Variants in NR6A1 observed in about 807,000 individuals in gnomAD.
NR6A1 encodes retinoic acid receptor-related testis-associated receptor.
In NR6A1, 7 loss-of-function variants were observed where a neutral mutation model predicts 59.1. The ratio of observed to expected loss-of-function variants is 0.12; its 90% confidence interval spans 0.07 to 0.22. The LOEUF is 0.22. Ranked by LOEUF, NR6A1 falls within the 10% of genes least tolerant of loss-of-function variation. NR6A1 has a pLI of 1.00. For synonymous variants in NR6A1, 243 were observed against 236.1 expected (o/e 1.03, Z -0.27); for missense variants, 468 against 611.6 (o/e 0.77, Z 2.48).
chr9:124,627,577 T>C (rs1836281926), intron 2 of NR6A1, among the ~76,000 whole-genome samples: 1 of 152,190 alleles, frequency 6.6e-6, no homozygotes, highest in South Asian at 2.1e-4. Flanking sequence ...GAATTTCTTT[T>C]TTAAAAATTT....
At chr9:124,728,752 G>A (rs1341071698) in intron 2 of NR6A1, among the ~76,000 whole-genome samples, 2 of 145,160 alleles carry the variant, frequency 1.4e-5, no homozygotes, top group African/African-American at 5.6e-5. Flanking sequence ...TAGTTCACAG[G>A]GTTTGGAAGA....
intron 2 of NR6A1, among the ~76,000 whole-genome samples, chr9:124,597,848 T>A (rs941920816): frequency 6.6e-6 from 1 of 152,122 alleles, no homozygotes; most frequent in East Asian, 1.9e-4. Context: ...AAATCTTATT[T>A]ATTTTTTTAT....
At position 124,716,064 on chromosome 9, in the gene NR6A1, A is replaced by G. The variant is rs193031175; in HGVS notation, c.142+17244T>C. Among the ~76,000 whole-genome samples the G allele has an allele frequency of 1.6e-3, 245 of 152,118 alleles. 1 individual carries two copies. Among genetic ancestry groups the G allele is most frequent in the Non-Finnish European group, 4.6e-4 (31 of 67,974 alleles). The stretch of plus-strand genomic sequence containing the variant: ...CCAAAAATTTAAAAATTAGCCTGGC[A>G]TGGTGGTTGTGCACCTGTGGTCCCA... On this transcript the variant is annotated intron_variant, in intron 2 of 9. Coordinates refer to ENST00000487099, the MANE Select transcript of NR6A1 (RefSeq NM_033334.4).
At chr9:124,616,204 C>T (rs970069229) in intron 2 of NR6A1, among the ~76,000 whole-genome samples, 2 of 151,794 alleles carry the variant, frequency 1.3e-5, no homozygotes, top group Non-Finnish European at 1.5e-5. Context: ...TCAAGACCAG[C>T]CTCGCCAACC....
At chr9:124,567,027 G>C (rs1834270491) in intron 2 of NR6A1, among the ~76,000 whole-genome samples, 1 of 151,024 alleles carries the variant, frequency 6.6e-6, no homozygotes, top group Admixed American at 6.6e-5. Context: ...AGAATGGCGT[G>C]AACCCGGGAG....
chr9:124,560,079 G>C (rs1286918116), intron 2 of NR6A1, among the ~76,000 whole-genome samples: 1 of 152,180 alleles, frequency 6.6e-6, no homozygotes, highest in Non-Finnish European at 1.5e-5. Flanking sequence ...CCAATCAGGA[G>C]TGGAGCTGGA....
chr9:124,731,382 A>G (rs1187450171), intron 2 of NR6A1, among the ~76,000 whole-genome samples: 2 of 151,970 alleles, frequency 1.3e-5, no homozygotes, highest in Non-Finnish European at 2.9e-5. Context: ...AAAAAAAAAA[A>G]AAAGAAAGGA....
intron 2 of NR6A1, among the ~76,000 whole-genome samples, chr9:124,621,949 C>A (rs1015355358): frequency 3.0e-4 from 45 of 152,142 alleles, no homozygotes. Context: ...CATGGTGGCT[C>A]GTGCCTATAA....
intron 2 of NR6A1, chr9:124,595,804 C>A (rs1187292215): frequency 7.8e-7 from 1 of 1,289,756 alleles, no homozygotes; most frequent in East Asian, 5.5e-5. Flanking sequence ...TCTATTGCAG[C>A]CATGAAGAAA....
At chr9:124,728,114 C>A (rs1381531448) in intron 2 of NR6A1, among the ~76,000 whole-genome samples, 1 of 151,926 alleles carries the variant, frequency 6.6e-6, no homozygotes, top group Non-Finnish European at 1.5e-5. Context: ...GCAAGCTCTG[C>A]CTCCCGGGTT....
intron 2 of NR6A1, among the ~76,000 whole-genome samples, chr9:124,725,224 A>G (rs952651161): frequency 1.3e-5 from 2 of 152,130 alleles, no homozygotes; most frequent in African/African-American, 2.4e-5. Context: ...AGCTTATGCT[A>G]ATGGACATGG....
At chr9:124,685,406 C>A (rs1838300505) in intron 2 of NR6A1, among the ~76,000 whole-genome samples, 1 of 152,192 alleles carries the variant, frequency 6.6e-6, no homozygotes, top group African/African-American at 2.4e-5. Context: ...CTCACTGCAG[C>A]CTTGACCAAG....
At chr9:124,636,646 T>C (rs1836619299) in intron 2 of NR6A1, among the ~76,000 whole-genome samples, 1 of 152,228 alleles carries the variant, frequency 6.6e-6, no homozygotes, top group African/African-American at 2.4e-5. Flanking sequence ...TGTCTAGTTG[T>C]TCCAGCACCA....
At chr9:124,631,720 A>G (rs561034283) in intron 2 of NR6A1, among the ~76,000 whole-genome samples, 137 of 152,278 alleles carry the variant, frequency 9.0e-4, no homozygotes, top group Non-Finnish European at 1.6e-3. Context: ...TTACACAGGT[A>G]AACATGTCTC....
chr9:124,675,947 T>C (rs1313598416), intron 2 of NR6A1, among the ~76,000 whole-genome samples: 3 of 152,154 alleles, frequency 2.0e-5, no homozygotes, highest in Non-Finnish European at 4.4e-5. Context: ...TATTGTACTT[T>C]GGATAAGAGT....
At chr9:124,687,634 A>G (rs569888268) in intron 2 of NR6A1, among the ~76,000 whole-genome samples, 2 of 152,178 alleles carry the variant, frequency 1.3e-5, no homozygotes, top group South Asian at 4.1e-4. Flanking sequence ...CTAACACTCA[A>G]GTAAACACTC....
At chr9:124,589,862 C>T (rs921578621) in intron 2 of NR6A1, among the ~76,000 whole-genome samples, 1 of 151,860 alleles carries the variant, frequency 6.6e-6, no homozygotes, top group Non-Finnish European at 1.5e-5. Context: ...GTCAAGAGAT[C>T]GAGACCATCC....
intron 1 of NR6A1, among the ~76,000 whole-genome samples, chr9:124,758,537 G>A (rs886395965): frequency 3.9e-5 from 6 of 152,110 alleles, no homozygotes; most frequent in Non-Finnish European, 8.8e-5. Flanking sequence ...GAGAAAGTGT[G>A]GCATGGAGGG....
intron 2 of NR6A1, among the ~76,000 whole-genome samples, chr9:124,727,650 T>G (rs2131113055): frequency 6.6e-6 from 1 of 152,324 alleles, no homozygotes; most frequent in Middle Eastern, 3.4e-3. Flanking sequence ...TCTTAAATAT[T>G]GTGACTCTTA....
Sources: allele counts gnomAD v4.1 joint callset (sites outside exome capture counted in the v4.1 genomes callset), GRCh38; gene constraint gnomAD v4.1.1; transcripts MANE v1.5; gene names NCBI Gene and HGNC (gene_info 2026-07-23, HGNC 2026-07-21).